The following ESRRB variants were observed in gnomAD, a reference collection of about 807,000 sequenced individuals.
The protein encoded by ESRRB is steroid hormone receptor ERR2.
ESRRB carries 16 observed loss-of-function variants against 46.0 expected under a neutral mutation model. That is an observed-to-expected ratio of 0.35 (90% CI 0.24 to 0.53). The LOEUF is 0.53. ESRRB is among the 20% of genes least tolerant of loss of function. The pLI, the probability that ESRRB is intolerant of heterozygous loss-of-function variation, is 0.93. For missense variants in ESRRB, 488 were observed against 607.4 expected (o/e 0.80, Z 2.07); for synonymous variants, 246 against 259.6 (o/e 0.95, Z 0.50).
At chr14:76,489,536 C>T (rs1890143521) in intron 5 of ESRRB, among the ~76,000 whole-genome samples, 1 of 151,322 alleles carries the variant, frequency 6.6e-6, no homozygotes, top group African/African-American at 2.4e-5. Context: ...AAAGCTCCCC[C>T]GTGTCAGTCG....
intron 1 of ESRRB, among the ~76,000 whole-genome samples, chr14:76,425,903 C>T (rs1397417356): frequency 6.6e-6 from 1 of 152,080 alleles, no homozygotes; most frequent in Non-Finnish European, 1.5e-5. Context: ...TTGGGAGCCT[C>T]AGCCTCCCAA....
intron 6 of ESRRB, among the ~76,000 whole-genome samples, chr14:76,496,914 G>A (rs1176595734): frequency 6.6e-6 from 1 of 152,246 alleles, no homozygotes; most frequent in Non-Finnish European, 1.5e-5. Flanking sequence ...AAAATTCATA[G>A]CCATTGATTT....
At chr14:76,348,780 GC>G (rs1384909931) in intron 1 of ESRRB, among the ~76,000 whole-genome samples, 2 of 152,206 alleles carry the variant, frequency 1.3e-5, no homozygotes, top group African/African-American at 2.4e-5. Flanking sequence ...GCCACCCGGG[GC>G]TTTGGGGACA....
chr14:76,483,505 T>C lies in ESRRB; in HGVS notation c.850+746T>C, dbSNP rs145216298. 1.8e-3 allele frequency among the ~76,000 whole-genome samples: 281 copies of C among 152,332 alleles called. 2 individuals carry two copies. The highest frequency in any genetic ancestry group is 6.6e-3 in the African/African-American group (273 of 41,568). On this transcript the variant is annotated intron_variant, in intron 5 of 6. Coordinates refer to ENST00000644823, the MANE Select transcript of ESRRB (RefSeq NM_001379180.1). ...ATGTTTCAGGCTGTGTGGACTTCTCTTCGCTGTGTGTGGACCCAAACCCTG... is the reference window on the plus strand; with the variant it reads ...ATGTTTCAGGCTGTGTGGACTTCTCCTCGCTGTGTGTGGACCCAAACCCTG...
At chr14:76,489,604 T>C (rs2980896) in intron 5 of ESRRB, among the ~76,000 whole-genome samples, 31,033 of 152,096 alleles carry the variant, frequency 0.2, 3,404 homozygotes, top group African/African-American at 0.23. Context: ...CCAGTGGTGA[T>C]CTGAGGCCCA....
chr14:76,466,536 A>C (rs1253483537), intron 3 of ESRRB, among the ~76,000 whole-genome samples: 1 of 152,232 alleles, frequency 6.6e-6, no homozygotes, highest in South Asian at 2.1e-4. Flanking sequence ...CATCCAGAGC[A>C]GACCATGGAA....
intron 1 of ESRRB, among the ~76,000 whole-genome samples, chr14:76,342,886 T>C (rs1884207980): frequency 6.6e-6 from 1 of 152,208 alleles, no homozygotes; most frequent in Non-Finnish European, 1.5e-5. Context: ...GTTCCTGCTT[T>C]CAAGCCTTTT....
chr14:76,397,621 C>G (rs1885747862), intron 1 of ESRRB, among the ~76,000 whole-genome samples: 1 of 152,150 alleles, frequency 6.6e-6, no homozygotes, highest in Admixed American at 6.5e-5. Flanking sequence ...TAATTTGGGG[C>G]AGGCCAGGCA....
chr14:76,399,800 G>C (rs1303863943), intron 1 of ESRRB, among the ~76,000 whole-genome samples: 1 of 152,188 alleles, frequency 6.6e-6, no homozygotes, highest in Non-Finnish European at 1.5e-5. Flanking sequence ...GCTCACTAGG[G>C]TGTATAAATA....
chr14:76,445,154 C>A (rs1888079259), intron 2 of ESRRB, among the ~76,000 whole-genome samples: 2 of 140,572 alleles, frequency 1.4e-5, no homozygotes, highest in African/African-American at 5.4e-5. Flanking sequence ...GCCTGGGCAA[C>A]AGAGCTGGAG....
rs1890624924 is a variant in ESRRB, at chr14:76,500,576, T to G, written c.*2118T>G. On this transcript the variant is annotated 3_prime_UTR_variant, in exon 7 of 7. Transcript: ENST00000644823. ...TTGGGACTCCCTCAGTCTCTCACTG[T>G]GCTGTGTCCTTGCAGCGGGGCCGAG... 1.0e-6 allele frequency: 1 copy of G among 961,976 alleles called. No homozygotes were observed. 59.6% of individuals were successfully genotyped at this position (961,976 alleles called of 1,614,324 possible).
intron 1 of ESRRB, among the ~76,000 whole-genome samples, chr14:76,348,776 C>A (rs761362398): frequency 9.2e-5 from 14 of 152,146 alleles, no homozygotes; most frequent in Non-Finnish European, 1.8e-4. Flanking sequence ...GGGTGCCACC[C>A]GGGGCTTTGG....
At chr14:76,341,010 C>T (rs568053058) in intron 1 of ESRRB, among the ~76,000 whole-genome samples, 20 of 152,268 alleles carry the variant, frequency 1.3e-4, no homozygotes, top group African/African-American at 4.6e-4. Context: ...TGTGAAGTAC[C>T]GAGACTCAGC....
At chr14:76,318,260 G>A (rs1883825610) in intron 1 of ESRRB, among the ~76,000 whole-genome samples, 1 of 152,158 alleles carries the variant, frequency 6.6e-6, no homozygotes, top group South Asian at 2.1e-4. Context: ...TGGAAGCGAG[G>A]AGCACAGTTG....
rs534080683 is a variant in ESRRB, at chr14:76,462,681, C to T, written c.577+20C>T. The T allele has an allele frequency of 2.9e-5, 46 of 1,563,438 alleles. No individual in the cohort carries two copies. Among genetic ancestry groups the T allele is most frequent in the Non-Finnish European group, 3.4e-5 (39 of 1,134,122 alleles). Reference sequence around the variant, plus strand: ...AGGAAGGTAAGAGACCCCACCGAGTCGGGGTTCACTGTGAGGCTCTGCTTG... The same window carrying T: ...AGGAAGGTAAGAGACCCCACCGAGTTGGGGTTCACTGTGAGGCTCTGCTTG... On this transcript the variant is annotated intron_variant, in intron 3 of 6. Coordinates refer to ENST00000644823, the MANE Select transcript of ESRRB (RefSeq NM_001379180.1).
intron 1 of ESRRB, among the ~76,000 whole-genome samples, chr14:76,393,042 C>T (rs531159199): frequency 1.3e-5 from 2 of 152,324 alleles, no homozygotes; most frequent in South Asian, 2.1e-4. Flanking sequence ...TGTGCAAAGC[C>T]TTTGGGGCAT....
At chr14:76,452,626 A>AAAAAAC (rs200077355) in intron 2 of ESRRB, among the ~76,000 whole-genome samples, 73,454 of 123,946 alleles carry the variant, frequency 0.59, 20,164 homozygotes, top group Middle Eastern at 0.68. Context: ...TCTCCAAAAA[A>AAAAAAC]AAAAACAAAA....
At chr14:76,425,496 C>T (rs976653729) in intron 1 of ESRRB, among the ~76,000 whole-genome samples, 3 of 151,914 alleles carry the variant, frequency 2.0e-5, no homozygotes, top group South Asian at 2.1e-4. Flanking sequence ...TGTGGGGGTT[C>T]TGCCTGCCCC....
intron 1 of ESRRB, among the ~76,000 whole-genome samples, chr14:76,316,914 T>G (rs1211803960): frequency 6.6e-6 from 1 of 152,196 alleles, no homozygotes; most frequent in Non-Finnish European, 1.5e-5. Flanking sequence ...TCCTCTCCCC[T>G]TTCTGAGCCA....
Sources: gnomAD v4.1 joint callset for allele counts (sites outside exome capture counted in the v4.1 genomes callset) on GRCh38, gnomAD v4.1.1 for gene constraint, MANE v1.5 for transcripts, NCBI Gene and HGNC (gene_info 2026-07-23, HGNC 2026-07-21) for gene names.